CARD14: variants seen among roughly 807,000 people sequenced by gnomAD.
CARD14 encodes caspase recruitment domain family member 14.
CARD14 carries 107 observed loss-of-function variants against 111.5 expected under a neutral mutation model. The ratio of observed to expected loss-of-function variants is 0.96; its 90% CI spans 0.82 to 1.13. The LOEUF is 1.13. Ranked by LOEUF, CARD14 falls within the 50% of genes most tolerant of loss-of-function variation. CARD14 has a pLI of 0.00. For synonymous variants in CARD14, 617 were observed against 579.6 expected (o/e 1.06, Z -0.93); for missense variants, 1,322 against 1,362.3 (o/e 0.97, Z 0.47).
Position 80,198,310 on chromosome 17 carries a change from A to G in CARD14, c.1659-89A>G, listed in dbSNP as rs937101722. The G allele has an allele frequency of 1.9e-6, 3 of 1,565,944 alleles. No homozygotes were observed. The highest frequency in any genetic ancestry group is 2.7e-5 in the African/African-American group (2 of 74,172). On this transcript the variant is annotated intron_variant, in intron 15 of 23. Coordinates refer to ENST00000648509, the MANE Select transcript of CARD14 (RefSeq NM_001366385.1). This position sits in a 1 kb window ranked among gnomAD's most constrained non-coding sequence, Gnocchi z 7.5. ...TGGAGGGGGAGGAGAATTCCAGAAC[A>G]CTGGGGCCAGAGGGAAGCAATGGGG...
Position 80,195,623 on chromosome 17 carries a change from A to G in CARD14, c.1565A>G (p.His522Arg). 1 of 1,613,438 alleles carries G rather than the reference A, an allele frequency of 6.2e-7. No individual in the cohort carries two copies. Among genetic ancestry groups the G allele is most frequent in the South Asian group, 1.1e-5 (1 of 91,038 alleles). The change falls in exon 14 of 24, where the codon CAC (histidine) becomes CGC (arginine). Residue 522 changes from histidine (H) to arginine (R), a missense_variant. Transcript: ENST00000648509. This position sits in a 1 kb window ranked among gnomAD's most constrained non-coding sequence, Gnocchi z 4.7. ...ALPGAKAGDP[H>R]LDYELLDTAD... ...CCGGGAGCTAAGGCAGGCGACCCACACCTGGATTATGAGCTCCTAGACACG... is the reference window on the plus strand; with the variant it reads ...CCGGGAGCTAAGGCAGGCGACCCACGCCTGGATTATGAGCTCCTAGACACG...
At position 80,195,318 on chromosome 17, in the gene CARD14, A is replaced by G; in HGVS notation, c.1484A>G (p.Glu495Gly). Residue 495 changes from glutamate (E) to glycine (G), a missense_variant, in exon 13 of 24, where the codon GAA (glutamate) becomes GGA (glycine). Physicochemically the swap from Glu to Gly is moderately conservative, Grantham distance 98 (BLOSUM62 -2). Transcript: ENST00000648509. This position sits in a 1 kb window ranked among gnomAD's most constrained non-coding sequence, Gnocchi z 4.7. ...YKRVAEDFGE[E>G]PWSFSSCLEI... ...CGGGTGGCCGAGGACTTCGGGGAAGAACCCTGGTCTTTCAGGTAGAGCACT... is the reference window on the plus strand; with the variant it reads ...CGGGTGGCCGAGGACTTCGGGGAAGGACCCTGGTCTTTCAGGTAGAGCACT... 1 of 1,612,038 alleles carries G rather than the reference A, an allele frequency of 6.2e-7. No individual in the cohort carries two copies. The highest frequency in any genetic ancestry group is 1.7e-5 in the Admixed American group (1 of 59,934).
At chr17:80,190,287 A>G (rs1208684644) in intron 9 of CARD14, among the ~76,000 whole-genome samples, 2 of 152,184 alleles carry the variant, frequency 1.3e-5, no homozygotes, top group Admixed American at 1.3e-4. Context: ...CAGCCTAAGC[A>G]ACTTTCTAGA....
Position 80,208,600 on chromosome 17 carries a change from C to A in CARD14, c.*255C>A. 2.4e-6 allele frequency: 1 copy of A among 423,436 alleles called. No individual in the cohort carries two copies. Among genetic ancestry groups the A allele is most frequent in the South Asian group, 6.2e-5 (1 of 16,138 alleles). 26.2% of individuals were successfully genotyped at this position (423,436 alleles called of 1,614,324 possible). A position where few individuals can be genotyped will look rare whatever the true frequency, so the allele number is the denominator to read the frequency against. ...CTTGGCATGGTCTGAACTGGAAACCCTGAGAATGTTTCTGCAGTGGGACAG... is the reference window on the plus strand; with the variant it reads ...CTTGGCATGGTCTGAACTGGAAACCATGAGAATGTTTCTGCAGTGGGACAG... On this transcript the variant is annotated 3_prime_UTR_variant, in exon 24 of 24. Coordinates refer to ENST00000648509, the MANE Select transcript of CARD14 (RefSeq NM_001366385.1).
intron 2 of CARD14, among the ~76,000 whole-genome samples, chr17:80,174,580 C>T (rs140241782): frequency 2.0e-5 from 3 of 152,116 alleles, no homozygotes; most frequent in East Asian, 3.9e-4. Context: ...TACCCCCTAC[C>T]CCGATTTCTA....
In CARD14 at chr17:80,181,886, CT is replaced by C. The variant is rs772609623; in HGVS notation, c.211+240del. Reference sequence around the variant, plus strand: ...CTGGACAGGTTCCAGGTGGATGTGTCTTTGAAGGGGAACCACCATTCACACC... The same window carrying C: ...CTGGACAGGTTCCAGGTGGATGTGTCTTGAAGGGGAACCACCATTCACACC... On this transcript the variant is annotated intron_variant, in intron 5 of 23. Transcript: ENST00000648509. Among the ~76,000 whole-genome samples, 144 of 152,170 alleles carry C rather than the reference CT, an allele frequency of 9.5e-4. 2 individuals carry two copies. Among genetic ancestry groups the C allele is most frequent in the Non-Finnish European group, 2.1e-4 (14 of 68,030 alleles).
intron 10 of CARD14, 24 bp downstream of exon 10, chr17:80,190,923 C>G: frequency 6.2e-7 from 1 of 1,609,098 alleles, no homozygotes; most frequent in Non-Finnish European, 8.5e-7. Context: ...CGGGCCCACC[C>G]CGCCACCCCA....
At chr17:80,197,830 C>T (rs1171542821) in intron 14 of CARD14, among the ~76,000 whole-genome samples, 1 of 152,180 alleles carries the variant, frequency 6.6e-6, no homozygotes, top group Non-Finnish European at 1.5e-5. Context: ...TCACTAGTTA[C>T]AGTGATTTTA....
In CARD14 at chr17:80,191,331, C is replaced by G. The variant is rs749480979; in HGVS notation, c.1098C>G (p.Ser366=). The change falls in exon 11 of 24, where the codon TCC becomes TCG. Residue 366 remains serine (S), a synonymous_variant. Coordinates refer to ENST00000648509, the MANE Select transcript of CARD14 (RefSeq NM_001366385.1). ...ELQKERDQAY[S]ARDSAQREIS... ...CCCGTCGTGGCCCACAGGCGTACTC[C>G]GCGAGGGACAGTGCTCAGAGGGAGA... The G allele has an allele frequency of 1.9e-6, 3 of 1,612,800 alleles. No homozygotes were observed. The Admixed American group carries it at 5.0e-5, about 27-fold the overall frequency.
At chr17:80,194,078 C>T (rs1320920338) in intron 12 of CARD14, among the ~76,000 whole-genome samples, 3 of 152,134 alleles carry the variant, frequency 2.0e-5, no homozygotes, top group Non-Finnish European at 4.4e-5. Context: ...GGGGGACTGC[C>T]TCCTACTTCA....
rs566820182 is a variant in CARD14 at position 80,205,607 on chromosome 17, C to T, written c.2646C>T (p.Gly882=). 1.3e-6 allele frequency: 2 copies of T among 1,568,246 alleles called. No individual in the cohort carries two copies. Among genetic ancestry groups the T allele is most frequent in the African/African-American group, 1.3e-5 (1 of 74,098 alleles). The part of the protein sequence containing the change: ...DIIQEGEVSG[G]RCWVTRHAVE... ...TCCAGGAGGGAGAGGTGTCCGGGGG[C>T]CGCTGCTGGGTGACCCGCCATGCTG... Residue 882 remains glycine, a synonymous_variant, in exon 22 of 24, where the codon GGC becomes GGT. Coordinates refer to ENST00000648509, the MANE Select transcript of CARD14 (RefSeq NM_001366385.1).
rs753307285 is a variant in CARD14 at position 80,208,321 on chromosome 17, G to A, written c.2991G>A (p.Val997=). ...TCGCCGACGAGCAGAAGAAGGTGGT[G>A]TGGACGGAGCAGAGCCCCCGATGAT... ...QAIADEQKKV[V]WTEQSPR Residue 997 remains valine, a synonymous_variant, in exon 24 of 24, where the codon GTG becomes GTA. Coordinates refer to ENST00000648509, the MANE Select transcript of CARD14 (RefSeq NM_001366385.1). 3 of 1,604,780 alleles carry A rather than the reference G, an allele frequency of 1.9e-6. No homozygotes were observed. Among genetic ancestry groups the A allele is most frequent in the East Asian group, 4.5e-5 (2 of 44,560 alleles).
Position 80,189,644 on chromosome 17 carries a change from C to T in CARD14, c.844-109C>T. The T allele has an allele frequency of 1.5e-6, 2 of 1,309,242 alleles. No homozygotes were observed. The highest frequency in any genetic ancestry group is 2.0e-6 in the Non-Finnish European group (2 of 997,884). 81.1% of individuals were successfully genotyped at this position (1,309,242 alleles called of 1,614,324 possible). On this transcript the variant is annotated intron_variant, in intron 8 of 23. Transcript: ENST00000648509. This position sits in a 1 kb window ranked among gnomAD's most constrained non-coding sequence, Gnocchi z 4.7. The stretch of plus-strand genomic sequence containing the variant: ...CCGGTGTAGAGTGGCAAGACTGCAT[C>T]CGTCCACACACCTGACCGTGCAGTT...
At position 80,204,234 on chromosome 17, in the gene CARD14, C is replaced by T; in HGVS notation, c.2291C>T (p.Ser764Phe). ...TCTCTGTCCCTCCTTTAGCCATCTT[C>T]TGGGGGACCACAGAAGCTGGTCCGC... ...QQCTVTRKPSSGGPQKLVRIV... is the reference protein window; with the variant it reads ...QQCTVTRKPSFGGPQKLVRIV... Residue 764 changes from serine to phenylalanine, a missense_variant, in exon 20 of 24, where the codon TCT becomes TTT. By Grantham distance (155) the Ser-to-Phe change is radical. Transcript: ENST00000648509. 4 of 1,589,278 alleles carry T rather than the reference C, an allele frequency of 2.5e-6. No individual in the cohort carries two copies. The highest frequency in any genetic ancestry group is 3.4e-6 in the Non-Finnish European group (4 of 1,161,166).
At position 80,182,620 on chromosome 17, in the gene CARD14, G is replaced by C. The variant is rs370538076; in HGVS notation, c.212-33G>C. 2.4e-5 allele frequency: 38 copies of C among 1,612,244 alleles called. No homozygotes were observed. In the African/African-American group the frequency reaches 5.1e-4, roughly 22 times the overall value. On this transcript the variant is annotated intron_variant, in intron 5 of 23. Coordinates refer to ENST00000648509, the MANE Select transcript of CARD14 (RefSeq NM_001366385.1). The surrounding 1 kb of genome is among the most constrained non-coding windows in gnomAD (Gnocchi z 4.7). ...GGAGCCCAGCCCCCTTGGTAGCTGG[G>C]TTCTGCCCAGACAGACGGTTCTGCC...
chr17:80,197,159 T>G (rs1355756973), intron 14 of CARD14: 1 of 152,218 alleles, frequency 6.6e-6, no homozygotes, highest in Non-Finnish European at 1.5e-5. Context: ...ATCGCACCAC[T>G]GCACTCCAGC....
chr17:80,170,503 TCCTGGGCTTGTGAC>T (rs543619403), intron 1 of CARD14: 5 of 152,324 alleles, frequency 3.3e-5, no homozygotes, highest in African/African-American at 9.6e-5. Context: ...TGCCCCCTCC[TCCTGGGCTTGTGAC>T]CCTCTGCCCC....
intron 11 of CARD14, 25 bp downstream of exon 11, chr17:80,191,497 C>A (rs777308288): frequency 1.2e-6 from 2 of 1,601,792 alleles, no homozygotes; most frequent in Admixed American, 3.3e-5. Context: ...CTGACCCGAG[C>A]TGGAGGCCAG....
At chr17:80,204,647 A>C in intron 20 of CARD14, 1 of 372,356 alleles carries the variant, frequency 2.7e-6, no homozygotes, top group Non-Finnish European at 4.9e-6. Flanking sequence ...AAATTTCAGG[A>C]GAGGAGTACA....
Sources: gnomAD v4.1 joint callset for allele counts (sites outside exome capture counted in the v4.1 genomes callset) on GRCh38, gnomAD v4.1.1 for gene constraint, Gnocchi (gnomAD v3.1) non-coding constraint, MANE v1.5 for transcripts, NCBI Gene and HGNC (gene_info 2026-07-23, HGNC 2026-07-21) for gene names.